Variants in TERB2 observed in about 807,000 individuals in gnomAD.
TERB2 encodes the protein telomere repeat binding bouquet formation protein 2, also known as telomere repeats-binding bouquet formation protein 2.
A neutral mutation model predicts 29.8 loss-of-function variants in TERB2; 26 were observed. That is an observed-to-expected ratio of 0.87 (90% CI 0.64 to 1.21). TERB2 has a LOEUF of 1.21. TERB2 is among the 50% of genes most tolerant of loss of function. The pLI is 0.00. For missense variants in TERB2, 240 were observed against 268.6 expected (o/e 0.89, Z 0.74); for synonymous variants, 80 against 90.8 (o/e 0.88, Z 0.68).
Position 44,975,329 on chromosome 15 carries a change from T to C in TERB2, c.523+1374T>C, listed in dbSNP as rs868538453. 7.2e-5 allele frequency among the ~76,000 whole-genome samples: 11 copies of C among 152,156 alleles called. 1 individual carries two copies. In the Middle Eastern group the frequency reaches 0.024, roughly 329 times the overall value. ...GACAAATACTTCTCTTTTTTTATCA[T>C]GCCCATCTGCTTGCACAGGAAGGAA... On this transcript the variant is annotated intron_variant, in intron 6 of 6. Transcript: ENST00000340827.
intron 6 of TERB2, among the ~76,000 whole-genome samples, chr15:44,975,719 A>C (rs571412711): frequency 6.6e-6 from 1 of 151,544 alleles, no homozygotes; most frequent in East Asian, 2.0e-4. Flanking sequence ...TCTCTCCCCC[A>C]GTTGTGACAA....
intron 4 of TERB2, among the ~76,000 whole-genome samples, chr15:44,965,354 A>T (rs527609023): frequency 2.2e-4 from 32 of 147,816 alleles, no homozygotes; most frequent in Admixed American, 6.8e-4. Context: ...TGAAGCAAAT[A>T]CTTCACTGTC....
At position 44,973,937 on chromosome 15, in the gene TERB2, G is replaced by A. The variant is rs1892007157; in HGVS notation, c.505G>A (p.Val169Ile). The change falls in exon 6 of 7, where the codon GTT (valine) becomes ATT (isoleucine). Residue 169 changes from valine to isoleucine, a missense_variant. Transcript: ENST00000340827. ...GTACTTCCCTCTACAGAATTACCCA[G>A]TTAACAACATGGTAACAGGTAGTTT... is the stretch of plus-strand genomic sequence containing the variant. The part of the protein sequence containing the change: ...QMYFPLQNYP[V>I]NNMVTGYISI... 1 of 1,597,424 alleles carries A rather than the reference G, an allele frequency of 6.3e-7. No homozygotes were observed. The highest frequency in any genetic ancestry group is 8.5e-7 in the Non-Finnish European group (1 of 1,171,170).
chr15:44,963,782 A>G (rs1420615334), intron 4 of TERB2, among the ~76,000 whole-genome samples: 6 of 145,740 alleles, frequency 4.1e-5, no homozygotes, highest in Non-Finnish European at 6.0e-5. Context: ...GGTGAAAGGT[A>G]TATGGTATTT....
rs371162040 is a variant in TERB2 at position 44,961,504 on chromosome 15, T to C, written c.287-19T>C. 4.8e-5 allele frequency: 75 copies of C among 1,561,368 alleles called. No homozygotes were observed. The highest frequency in any genetic ancestry group is 6.3e-5 in the Non-Finnish European group (73 of 1,153,964). On this transcript the variant is annotated intron_variant, in intron 3 of 6. Coordinates refer to ENST00000340827, the MANE Select transcript of TERB2 (RefSeq NM_152448.3). ...AAAAAAAAACCAAAACAGTATTGGATTTGTTTTTCTCACCACAGAAATAAG... is the reference window on the plus strand; with the variant it reads ...AAAAAAAAACCAAAACAGTATTGGACTTGTTTTTCTCACCACAGAAATAAG...
At position 44,968,971 on chromosome 15, in the gene TERB2, C is replaced by A. The variant is rs144345269; in HGVS notation, c.434+2728C>A. On this transcript the variant is annotated intron_variant, in intron 5 of 6. Coordinates refer to ENST00000340827, the MANE Select transcript of TERB2 (RefSeq NM_152448.3). ...GAGAGACAGGATCTTGCTGTGTCAC[C>A]CAAGCTGCAGTGAGGTAGCATGATC... is the stretch of plus-strand genomic sequence containing the variant. Among the ~76,000 whole-genome samples the A allele has an allele frequency of 3.3e-4, 50 of 151,896 alleles. 1 individual carries two copies. Among genetic ancestry groups the A allele is most frequent in the African/African-American group, 1.2e-3 (49 of 41,404 alleles).
In TERB2 at chr15:44,956,971, C is replaced by A; in HGVS notation, c.140C>A (p.Thr47Lys). 6.2e-7 allele frequency: 1 copy of A among 1,613,302 alleles called. No homozygotes were observed. The highest frequency in any genetic ancestry group is 1.1e-5 in the South Asian group (1 of 91,078). ...LFSCDASHPDTLRIYQSLDYI... is the reference protein window; with the variant it reads ...LFSCDASHPDKLRIYQSLDYI... ...AGCTGTGATGCCTCGCACCCAGACA[C>A]GCTGAGGTACTGAGGGCGACCTGGC... The change falls in exon 2 of 7, where the codon ACG (threonine) becomes AAG (lysine). Residue 47 changes from threonine (T) to lysine (K), a missense_variant. By Grantham distance (78) the Thr-to-Lys change is moderately conservative. Coordinates refer to ENST00000340827, the MANE Select transcript of TERB2 (RefSeq NM_152448.3).
intron 4 of TERB2, among the ~76,000 whole-genome samples, chr15:44,963,804 C>CTTTTTTTTTTTT (rs34438861): frequency 2.5e-5 from 2 of 79,166 alleles, no homozygotes; most frequent in Non-Finnish European, 4.6e-5. Flanking sequence ...TTATACTATT[C>CTTTTTTTTTTTT]TTTTTTTTTT....
In TERB2 at chr15:44,978,633, T is replaced by G. The variant is rs199764596; in HGVS notation, c.*5T>G. 3.5e-5 allele frequency: 56 copies of G among 1,582,596 alleles called. No individual in the cohort carries two copies. The highest frequency in any genetic ancestry group is 1.0e-5 in the Non-Finnish European group (12 of 1,166,206). On this transcript the variant is annotated 3_prime_UTR_variant, in exon 7 of 7. Transcript: ENST00000340827. ...AACAAATTGAAGAGGAAATAGTAAATTAAATTGTAAATACCTTGGCATTTA... is the reference window on the plus strand; with the variant it reads ...AACAAATTGAAGAGGAAATAGTAAAGTAAATTGTAAATACCTTGGCATTTA...
In TERB2 at chr15:44,956,715, C is replaced by T. The variant is rs781458646; in HGVS notation, c.-4C>T. 5.6e-6 allele frequency: 9 copies of T among 1,602,232 alleles called. No homozygotes were observed. The highest frequency in any genetic ancestry group is 4.4e-5 in the South Asian group (4 of 90,008). The stretch of plus-strand genomic sequence containing the variant: ...TCTCACATCTCCACAGGCTTGGCGA[C>T]GCCATGTTTCAAGGGCAGCGCGGTT... On this transcript the variant is annotated 5_prime_UTR_variant, in exon 1 of 7. In the 5' UTR this introduces an upstream ATG that the reference lacks. Transcript: ENST00000340827.
rs773938133 is a variant in TERB2, at chr15:44,966,232, A to G, written c.423A>G (p.Glu141=). ...NSELATEHKK[E]LSKSPEKHFI... ...AACTAGCAACAGAGCACAAAAAAGA[A>G]TTATCCAAAAGGTATTGAATTCAGA... Residue 141 remains glutamate (E), a synonymous_variant, in exon 5 of 7, where the codon GAA becomes GAG. Transcript: ENST00000340827. The G allele has an allele frequency of 5.1e-6, 8 of 1,556,150 alleles. No homozygotes were observed. The Admixed American group carries it at 1.4e-4, about 28-fold the overall frequency.
At chr15:44,965,580 C>CTA (rs1194939655) in intron 4 of TERB2, among the ~76,000 whole-genome samples, 1 of 137,490 alleles carries the variant, frequency 7.3e-6, no homozygotes, top group East Asian at 2.0e-4. Context: ...TTATATAAAT[C>CTA]TATATATCAT....
chr15:44,964,055 T>C (rs189150578), intron 4 of TERB2, among the ~76,000 whole-genome samples: 2,510 of 152,176 alleles, frequency 0.016, 21 homozygotes, highest in Middle Eastern at 0.031. Context: ...GTGATCCGCC[T>C]GCCTTGGCCT....
At chr15:44,976,776 T>C (rs1892053259) in intron 6 of TERB2, among the ~76,000 whole-genome samples, 1 of 152,172 alleles carries the variant, frequency 6.6e-6, no homozygotes, top group Non-Finnish European at 1.5e-5. Context: ...GACATTTTTT[T>C]AAACATGAGC....
intron 5 of TERB2, among the ~76,000 whole-genome samples, chr15:44,972,890 T>G (rs935069077): frequency 6.6e-6 from 1 of 151,676 alleles, no homozygotes; most frequent in Non-Finnish European, 1.5e-5. Flanking sequence ...ATCAATTGTT[T>G]TTTTTTTTTT....
intron 4 of TERB2, among the ~76,000 whole-genome samples, chr15:44,964,134 G>A (rs1891849426): frequency 6.6e-6 from 1 of 151,962 alleles, no homozygotes; most frequent in Non-Finnish European, 1.5e-5. Context: ...TAACTTTGTG[G>A]TAAGTTTGAA....
At chr15:44,969,610 G>C (rs551460092) in intron 5 of TERB2, among the ~76,000 whole-genome samples, 1 of 151,324 alleles carries the variant, frequency 6.6e-6, no homozygotes, top group African/African-American at 2.4e-5. Flanking sequence ...GCAACAGAGA[G>C]AGAGCCAGTC....
At position 44,978,809 on chromosome 15, in the gene TERB2, C is replaced by T. The variant is rs1595480574; in HGVS notation, c.*181C>T. ...TTGGTTCTGTGTTTTGACATTTTTC[C>T]CCTAGCTTTTAACAACATGTTCAAA... On this transcript the variant is annotated 3_prime_UTR_variant, in exon 7 of 7. Coordinates refer to ENST00000340827, the MANE Select transcript of TERB2 (RefSeq NM_152448.3). The T allele has an allele frequency of 1.3e-6, 1 of 784,248 alleles. No homozygotes were observed. Among genetic ancestry groups the T allele is most frequent in the East Asian group, 3.7e-5 (1 of 27,148 alleles). 48.6% of individuals were successfully genotyped at this position (784,248 alleles called of 1,614,324 possible).
intron 4 of TERB2, among the ~76,000 whole-genome samples, chr15:44,963,921 G>C (rs113213060): frequency 0.019 from 2,803 of 145,568 alleles, 56 homozygotes; most frequent in South Asian, 0.089. Flanking sequence ...AGCGATTCTC[G>C]TGCCTCAGCC....
Sources: allele counts gnomAD v4.1 joint callset (sites outside exome capture counted in the v4.1 genomes callset), GRCh38; gene constraint gnomAD v4.1.1; transcripts MANE v1.5; gene names NCBI Gene and HGNC (gene_info 2026-07-23, HGNC 2026-07-21).